Variants in FOXO1 observed in about 807,000 individuals in gnomAD.
FOXO1 encodes forkhead box protein O1.
In FOXO1, 6 loss-of-function variants were observed where a neutral mutation model predicts 44.1. That is an observed-to-expected ratio of 0.14 (90% CI 0.07 to 0.27). The LOEUF (loss-of-function observed/expected upper bound fraction) is 0.27, where lower values mean the gene tolerates loss of function less well. Ranked by LOEUF, FOXO1 falls within the 10% of genes least tolerant of loss-of-function variation. The pLI is 1.00. For synonymous variants in FOXO1, 380 were observed against 362.7 expected (o/e 1.05, Z -0.54); for missense variants, 737 against 888.8 (o/e 0.83, Z 2.17).
intron 1 of FOXO1, among the ~76,000 whole-genome samples, chr13:40,638,691 G>A (rs754724272): frequency 2.0e-4 from 31 of 152,208 alleles, no homozygotes; most frequent in Non-Finnish European, 3.1e-4. Context: ...GGGAGGAGGA[G>A]GAGGGGGCCT....
intron 1 of FOXO1, among the ~76,000 whole-genome samples, chr13:40,588,038 T>A (rs1472365806): frequency 6.6e-6 from 1 of 152,226 alleles, no homozygotes; most frequent in Non-Finnish European, 1.5e-5. Context: ...TTATGCTCCA[T>A]ATCCTCACAT....
At chr13:40,611,067 A>C (rs1288250290) in intron 1 of FOXO1, 1 of 456,256 alleles carries the variant, frequency 2.2e-6, no homozygotes, top group Non-Finnish European at 4.4e-6. Context: ...TTGTATCTTC[A>C]TCAAAAATAA....
At chr13:40,594,939 G>C (rs1316382493) in intron 1 of FOXO1, among the ~76,000 whole-genome samples, 1 of 152,032 alleles carries the variant, frequency 6.6e-6, no homozygotes, top group Non-Finnish European at 1.5e-5. Context: ...CTCCTACTTT[G>C]ACCTCCCAAA....
intron 1 of FOXO1, among the ~76,000 whole-genome samples, chr13:40,649,157 C>T (rs538672531): frequency 6.6e-6 from 1 of 152,294 alleles, no homozygotes; most frequent in South Asian, 2.1e-4. Context: ...CCTCATAGGG[C>T]ACATGACTAA....
chr13:40,627,601 G>C (rs1876826249), intron 1 of FOXO1, among the ~76,000 whole-genome samples: 1 of 152,158 alleles, frequency 6.6e-6, no homozygotes, highest in African/African-American at 2.4e-5. Flanking sequence ...GGGAAGCCAA[G>C]GTGGGCAGGT....
At chr13:40,564,879 G>C (rs992062585) in intron 1 of FOXO1, among the ~76,000 whole-genome samples, 3 of 147,600 alleles carry the variant, frequency 2.0e-5, no homozygotes, top group Non-Finnish European at 4.4e-5. Context: ...CTGCATGCCT[G>C]GCCACCCCAA....
At chr13:40,608,900 G>A (rs538460002) in intron 1 of FOXO1, among the ~76,000 whole-genome samples, 5 of 152,278 alleles carry the variant, frequency 3.3e-5, no homozygotes, top group African/African-American at 1.2e-4. Flanking sequence ...CTCATATGAT[G>A]GATCCTAGAG....
intron 1 of FOXO1, among the ~76,000 whole-genome samples, chr13:40,634,683 CTTTT>C (rs762426679): frequency 7.0e-6 from 1 of 142,926 alleles, no homozygotes; most frequent in Admixed American, 7.0e-5. Flanking sequence ...GGCTTTAGTA[CTTTT>C]TTTTTTTTTT....
At chr13:40,630,080 C>T (rs1441583144) in intron 1 of FOXO1, among the ~76,000 whole-genome samples, 2 of 152,140 alleles carry the variant, frequency 1.3e-5, no homozygotes, top group African/African-American at 2.4e-5. Context: ...TATCTTCTAC[C>T]TTTCTATGTC....
intron 1 of FOXO1, among the ~76,000 whole-genome samples, chr13:40,640,548 C>T (rs973163595): frequency 6.6e-6 from 1 of 152,202 alleles, no homozygotes; most frequent in East Asian, 1.9e-4. Flanking sequence ...CAGGTCACTT[C>T]GCTTCTCTTC....
chr13:40,592,302 A>C lies in FOXO1; in HGVS notation c.631-31442T>G, dbSNP rs75015412. ...TGTATCCTGATCATGATTTAAAAAA[A>C]ACAACTTCATCAAAACTCAGGACAG... On this transcript the variant is annotated intron_variant, in intron 1 of 2. Transcript: ENST00000379561. Among the ~76,000 whole-genome samples the C allele has an allele frequency of 3.0e-3, 451 of 152,366 alleles. 2 individuals are homozygous for C. The highest frequency in any genetic ancestry group is 0.01 in the African/African-American group (436 of 41,588).
chr13:40,644,539 C>A (rs543203500), intron 1 of FOXO1, among the ~76,000 whole-genome samples: 35 of 152,274 alleles, frequency 2.3e-4, no homozygotes, highest in African/African-American at 8.4e-4. Context: ...AAGACCTGCA[C>A]GTGAGTCCGG....
intron 1 of FOXO1, among the ~76,000 whole-genome samples, chr13:40,660,320 C>T (rs902187645): frequency 3.3e-5 from 5 of 152,252 alleles, no homozygotes; most frequent in Non-Finnish European, 7.4e-5. Context: ...CAAGAGGATC[C>T]CCAAAAAGCC....
At chr13:40,601,987 T>G (rs1485206716) in intron 1 of FOXO1, among the ~76,000 whole-genome samples, 1 of 152,208 alleles carries the variant, frequency 6.6e-6, no homozygotes, top group Non-Finnish European at 1.5e-5. Flanking sequence ...TGCATAGCTT[T>G]CAGAGCCAAG....
At chr13:40,604,484 T>C (rs1875928089) in intron 1 of FOXO1, among the ~76,000 whole-genome samples, 4 of 152,156 alleles carry the variant, frequency 2.6e-5, no homozygotes. Context: ...TACACTTATA[T>C]TAGAATGGAT....
At chr13:40,612,464 TTGTG>T (rs1403847953) in intron 1 of FOXO1, among the ~76,000 whole-genome samples, 5 of 152,212 alleles carry the variant, frequency 3.3e-5, no homozygotes, top group Non-Finnish European at 7.3e-5. Context: ...CAGAAGAGAC[TTGTG>T]TGTGTGTTAC....
intron 1 of FOXO1, among the ~76,000 whole-genome samples, chr13:40,587,647 G>C (rs1337889039): frequency 1.3e-5 from 2 of 152,180 alleles, no homozygotes; most frequent in African/African-American, 4.8e-5. Context: ...CAAGTGCTTG[G>C]AGAAAATCTT....
At chr13:40,632,324 T>C (rs1233378513) in intron 1 of FOXO1, among the ~76,000 whole-genome samples, 1 of 152,130 alleles carries the variant, frequency 6.6e-6, no homozygotes, top group Non-Finnish European at 1.5e-5. Context: ...GTAAATCATA[T>C]ATATAAGGGA....
At chr13:40,570,737 T>C (rs2137836724) in intron 1 of FOXO1, among the ~76,000 whole-genome samples, 1 of 152,336 alleles carries the variant, frequency 6.6e-6, no homozygotes, top group South Asian at 2.1e-4. Context: ...TAAAGGAATC[T>C]ACAGTTTTGT....
Sources: allele counts gnomAD v4.1 joint callset (sites outside exome capture counted in the v4.1 genomes callset), GRCh38; gene constraint gnomAD v4.1.1; transcripts MANE v1.5; gene names NCBI Gene and HGNC (gene_info 2026-07-23, HGNC 2026-07-21).